PCTP: variants seen among roughly 807,000 people sequenced by gnomAD.
PCTP encodes the protein phosphatidylcholine transfer protein, also known as START domain-containing protein 2.
PCTP carries 27 observed loss-of-function variants against 31.0 expected under a neutral mutation model. That is an observed-to-expected ratio of 0.87 (90% CI 0.64 to 1.20). The LOEUF is 1.20. PCTP is among the 50% of genes most tolerant of loss of function. The pLI is 0.00. For synonymous variants in PCTP, 108 were observed against 101.2 expected (o/e 1.07, Z -0.40); for missense variants, 287 against 268.2 (o/e 1.07, Z -0.49).
rs201473432 is a variant in PCTP at position 55,806,759 on chromosome 17, A to AGTGTTT, written c.318-15991_318-15986dup. 8.9e-3 allele frequency among the ~76,000 whole-genome samples: 1,350 copies of AGTGTTT among 152,218 alleles called. 11 individuals carry two copies. The highest frequency in any genetic ancestry group is 0.022 in the South Asian group (104 of 4,826). On this transcript the variant is annotated intron_variant, in intron 3 of 3. Transcript: ENST00000572536. The stretch of plus-strand genomic sequence containing the variant: ...ATGGGAGTGTAGACATCACTATTAC[A>AGTGTTT]GTGTTTGTGTTTGTGTAAGTATTTA...
At chr17:55,839,079 A>C (rs1300169415) in intron 5 of PCTP, among the ~76,000 whole-genome samples, 1 of 152,234 alleles carries the variant, frequency 6.6e-6, no homozygotes, top group African/African-American at 2.4e-5. Flanking sequence ...GCGCAGATAG[A>C]ATCTGTATCT....
At chr17:55,755,767 A>G (rs1182087823) in intron 1 of PCTP, among the ~76,000 whole-genome samples, 1 of 152,076 alleles carries the variant, frequency 6.6e-6, no homozygotes, top group Non-Finnish European at 1.5e-5. Flanking sequence ...TAATAACTTT[A>G]TTTGATGCTG....
At chr17:55,757,555 GTA>G (rs1489087809) in intron 1 of PCTP, among the ~76,000 whole-genome samples, 5 of 44,450 alleles carry the variant, frequency 1.1e-4, no homozygotes, top group South Asian at 1.5e-3. Flanking sequence ...ATATACACAT[GTA>G]TATGTGTGTG....
chr17:55,783,999 C>T (rs978204041), intron 2 of PCTP, among the ~76,000 whole-genome samples: 5 of 152,158 alleles, frequency 3.3e-5, no homozygotes, highest in African/African-American at 1.2e-4. Flanking sequence ...TATAAAACAG[C>T]CAGTGACCCG....
intron 1 of PCTP, 132 bp from the exon 2 acceptor site, chr17:55,767,203 T>G (rs551458523): frequency 3.9e-5 from 18 of 456,806 alleles, no homozygotes; most frequent in South Asian, 2.8e-4. Context: ...TTTCTCCCAT[T>G]TTGTAGGTTG....
chr17:55,845,886 G>GT (rs1906132952), downstream of PCTP, among the ~76,000 whole-genome samples: 3 of 138,864 alleles, frequency 2.2e-5, no homozygotes, highest in African/African-American at 5.7e-5. Context: ...GAGAGGGTTG[G>GT]GGTGTGTGTG....
chr17:55,783,053 A>C (rs897719759), intron 2 of PCTP, among the ~76,000 whole-genome samples: 2 of 152,086 alleles, frequency 1.3e-5, no homozygotes, highest in Non-Finnish European at 2.9e-5. Flanking sequence ...TTGACCAATA[A>C]TGCCTGAAAG....
chr17:55,826,854 T>C (rs1018603736), downstream of PCTP, among the ~76,000 whole-genome samples: 1 of 152,158 alleles, frequency 6.6e-6, no homozygotes, highest in African/African-American at 2.4e-5. Context: ...TTTGGAGCCT[T>C]GAAAAATTAC....
At chr17:55,789,169 TATCC>T (rs1911864004) in intron 3 of PCTP, among the ~76,000 whole-genome samples, 1 of 152,200 alleles carries the variant, frequency 6.6e-6, no homozygotes, top group African/African-American at 2.4e-5. Context: ...TCCATGACTT[TATCC>T]ATCTATCTAC....
At chr17:55,811,601 T>A (rs550898487) in intron 3 of PCTP, among the ~76,000 whole-genome samples, 15 of 152,370 alleles carry the variant, frequency 9.8e-5, no homozygotes, top group Admixed American at 6.5e-4. Flanking sequence ...GCCTGTCTGA[T>A]GATTCACACT....
chr17:55,775,206 A>G, intron 5 of PCTP: 2 of 1,274,532 alleles, frequency 1.6e-6, no homozygotes, highest in Non-Finnish European at 2.0e-6. Context: ...ACTGGGGAAT[A>G]AGACAGACTG....
At chr17:55,838,351 C>G (rs939808396) in intron 5 of PCTP, among the ~76,000 whole-genome samples, 3 of 152,150 alleles carry the variant, frequency 2.0e-5, no homozygotes, top group African/African-American at 7.2e-5. Flanking sequence ...CCTACTGTCC[C>G]CTCTGCCCTA....
intron 3 of PCTP, among the ~76,000 whole-genome samples, chr17:55,818,162 G>A (rs895157245): frequency 6.6e-5 from 10 of 152,220 alleles, no homozygotes; most frequent in African/African-American, 2.2e-4. Context: ...AGTTGCATGG[G>A]GGAGGCAGTT....
chr17:55,761,083 C>G (rs1157846667), intron 1 of PCTP, among the ~76,000 whole-genome samples: 1 of 152,150 alleles, frequency 6.6e-6, no homozygotes, highest in Non-Finnish European at 1.5e-5. Context: ...CAAAGACACA[C>G]CATTTCTTTC....
At chr17:55,790,542 C>T (rs1911922387) in intron 3 of PCTP, among the ~76,000 whole-genome samples, 3 of 146,382 alleles carry the variant, frequency 2.0e-5, no homozygotes, top group Admixed American at 2.0e-4. Flanking sequence ...CATGAGTGAA[C>T]TCCCATTCAC....
chr17:55,806,437 C>A (rs1810175659), intron 3 of PCTP, among the ~76,000 whole-genome samples: 1 of 152,130 alleles, frequency 6.6e-6, no homozygotes, highest in African/African-American at 2.4e-5. Context: ...TGGTACAAAA[C>A]AAGACTGTGT....
downstream of PCTP, among the ~76,000 whole-genome samples, chr17:55,843,622 C>T (rs1035613748): frequency 6.6e-6 from 1 of 152,204 alleles, no homozygotes; most frequent in Non-Finnish European, 1.5e-5. Flanking sequence ...CTCAGTCAGA[C>T]TGAATAGGGA....
chr17:55,827,595 G>C (rs947749788), downstream of PCTP, among the ~76,000 whole-genome samples: 25 of 152,268 alleles, frequency 1.6e-4, no homozygotes, highest in African/African-American at 6.0e-4. Flanking sequence ...CTTACTAAGA[G>C]GCTAGCAGAA....
intron 1 of PCTP, among the ~76,000 whole-genome samples, chr17:55,753,575 C>T (rs1212274125): frequency 6.6e-6 from 1 of 152,168 alleles, no homozygotes; most frequent in African/African-American, 2.4e-5. Context: ...CAGCTGTCTG[C>T]CTCCAGTCCT....
Sources: gnomAD v4.1 joint callset for allele counts (sites outside exome capture counted in the v4.1 genomes callset) on GRCh38, gnomAD v4.1.1 for gene constraint, MANE v1.5 for transcripts, NCBI Gene and HGNC (gene_info 2026-07-23, HGNC 2026-07-21) for gene names.